MAP7D2: variants seen among roughly 807,000 people sequenced by gnomAD.
MAP7D2 encodes the protein MAP7 domain-containing protein 2.
In MAP7D2, 33 loss-of-function variants were observed where a neutral mutation model predicts 63.5. The ratio of observed to expected loss-of-function variants is 0.52; its 90% CI spans 0.39 to 0.70. The LOEUF is 0.70. MAP7D2 is among the 30% of genes least tolerant of loss of function. The probability of loss-of-function intolerance (pLI) is 0.00; values close to 1 mark genes in which losing one functional copy is unlikely to be tolerated. For synonymous variants in MAP7D2, 224 were observed against 223.7 expected (o/e 1.00, Z -0.01); for missense variants, 626 against 604.0 (o/e 1.04, Z -0.38).
chrX:20,033,996 G>C (rs1045602786), intron 8 of MAP7D2, among the ~76,000 whole-genome samples: 1 of 109,028 alleles, frequency 9.2e-6, no homozygotes, highest in African/African-American at 3.4e-5. Flanking sequence ...AGGCCAAGGC[G>C]GGTGGATCAC....
rs924048571 is a variant in MAP7D2 at position 20,031,453 on chromosome X, G to GA, written c.1008-5502dup. Reference sequence around the variant, plus strand: ...GACCCTGGGTTGGACCCTGGACCATGAAAAAAAAAATGATATAAAAAATCT... The same window carrying GA: ...GACCCTGGGTTGGACCCTGGACCATGAAAAAAAAAAATGATATAAAAAATCT... On this transcript the variant is annotated intron_variant, in intron 8 of 16. Transcript: ENST00000379643. 3.1e-4 allele frequency among the ~76,000 whole-genome samples: 33 copies of GA among 107,170 alleles called. No individual in the cohort carries two copies. The South Asian group carries it at 6.0e-3, about 19-fold the overall frequency. 93.1% of individuals were successfully genotyped at this position (107,170 alleles called of 115,157 possible). A position where few individuals can be genotyped will look rare whatever the true frequency, so the allele number is the denominator to read the frequency against.
chrX:20,076,105 C>T (rs2065635487), intron 1 of MAP7D2, among the ~76,000 whole-genome samples: 1 of 111,352 alleles, frequency 9.0e-6, no homozygotes. Flanking sequence ...GGGGTGGGGC[C>T]TGAGAATTTG....
chrX:20,109,649 C>T (rs2066681161), intron 1 of MAP7D2, among the ~76,000 whole-genome samples: 1 of 111,289 alleles, frequency 9.0e-6, no homozygotes, highest in South Asian at 3.8e-4. Context: ...TTTAATCTCT[C>T]ACCTCTCGCT....
intron 1 of MAP7D2, among the ~76,000 whole-genome samples, chrX:20,082,697 C>T (rs181799134): frequency 0.014 from 1,566 of 112,121 alleles, 8 homozygotes; most frequent in Middle Eastern, 0.018. Flanking sequence ...GGCGCGATCT[C>T]GGCTCACTGC....
At chrX:20,109,989 T>C (rs759744907) in intron 1 of MAP7D2, among the ~76,000 whole-genome samples, 17 of 108,628 alleles carry the variant, frequency 1.6e-4, no homozygotes, top group African/African-American at 5.4e-4. Flanking sequence ...TGAGCCGAGA[T>C]TGCACCACTG....
chrX:20,101,925 TTA>T (rs1267597516), intron 1 of MAP7D2, among the ~76,000 whole-genome samples: 1 of 112,681 alleles, frequency 8.9e-6, no homozygotes, highest in Non-Finnish European at 1.9e-5. Flanking sequence ...ACAGTAAATT[TTA>T]TGTTACATAT....
Position 20,050,854 on chromosome X carries a change from C to A in MAP7D2, c.688G>T (p.Val230Phe), listed in dbSNP as rs2064929717. 8.4e-7 allele frequency: 1 copy of A among 1,193,563 alleles called. No homozygotes were observed. The highest frequency in any genetic ancestry group is 1.7e-5 in the African/African-American group (1 of 57,553). Residue 230 changes from valine (V) to phenylalanine (F), a missense_variant, in exon 6 of 17, where the codon GTC becomes TTC. Coordinates refer to ENST00000379643, the MANE Select transcript of MAP7D2 (RefSeq NM_001168465.2). ...TCATTGGCCTGCCCAGAGAGCATGA[C>A]TGAAGCTCTGCTTCTGGCTAAAGAA... ...QSSLARSRAS[V>F]MLSGQANDSV... is the part of the protein sequence containing the mutation.
chrX:20,018,596 C>T (rs2073508133), intron 10 of MAP7D2, among the ~76,000 whole-genome samples: 1 of 109,138 alleles, frequency 9.2e-6, no homozygotes, highest in South Asian at 4.1e-4. Flanking sequence ...GCATGCGCCG[C>T]TATGCCCAGC....
chrX:20,031,693 G>T (rs776173397), intron 8 of MAP7D2, among the ~76,000 whole-genome samples: 7 of 111,112 alleles, frequency 6.3e-5, no homozygotes, highest in Non-Finnish European at 1.3e-4. Context: ...CTTGAACCTG[G>T]GAGGCGGAGG....
chrX:20,096,064 A>T (rs2075747287), intron 1 of MAP7D2, among the ~76,000 whole-genome samples: 1 of 96,053 alleles, frequency 1.0e-5, no homozygotes, highest in Non-Finnish European at 2.1e-5. Context: ...CCTGGGCAAC[A>T]GAGCAAGACT....
intron 1 of MAP7D2, among the ~76,000 whole-genome samples, chrX:20,081,822 G>C (rs772918324): frequency 9.0e-6 from 1 of 111,147 alleles, no homozygotes; most frequent in Admixed American, 9.6e-5. Flanking sequence ...TCAGCTTTTT[G>C]TATTTTTAGT....
rs747974862 is a variant in MAP7D2 at position 20,007,628 on chromosome X, C to T, written c.*797G>A. On this transcript the variant is annotated 3_prime_UTR_variant, in exon 17 of 17. Transcript: ENST00000379643. ...ACATTGAAAACCAACCACCTGCACG[C>T]GAGACATAGGATTCATTCAGCTGGA... 2.7e-5 allele frequency: 3 copies of T among 111,264 alleles called. No homozygotes were observed. The highest frequency in any genetic ancestry group is 3.8e-4 in the South Asian group (1 of 2,653). The allele number at this position is 111,264 out of a possible 1,213,427, so 9.2% of individuals were successfully genotyped here.
At chrX:20,047,665 A>G (rs1428428896) in intron 6 of MAP7D2, among the ~76,000 whole-genome samples, 1 of 107,625 alleles carries the variant, frequency 9.3e-6, no homozygotes, top group Non-Finnish European at 1.9e-5. Flanking sequence ...AAAAAAAAAA[A>G]ATTAGCTAAG....
At chrX:20,094,569 C>CAT (rs1491172079) in intron 1 of MAP7D2, among the ~76,000 whole-genome samples, 1 of 8,488 alleles carries the variant, frequency 1.2e-4, no homozygotes, top group Admixed American at 2.6e-3. Context: ...TATATATATA[C>CAT]ATATATATGT....
intron 12 of MAP7D2, among the ~76,000 whole-genome samples, chrX:20,014,169 A>T (rs2073301227): frequency 8.8e-6 from 1 of 113,077 alleles, no homozygotes. Context: ...GTCAAACAGA[A>T]TTAAAATAAC....
chrX:20,056,767 G>A lies in MAP7D2; in HGVS notation c.397C>T (p.Arg133Trp), dbSNP rs369026191. ...AGCTGCTGTGTGCGCTCCAGGGACC[G>A]GCGCATCATCGCCTCCAGCCGTTCC... ...EEERLEAMMR[R>W]SLERTQQLEL... Residue 133 changes from arginine to tryptophan, a missense_variant, in exon 4 of 17, where the codon CGG becomes TGG. By Grantham distance (101) the Arg-to-Trp change is moderately radical. Transcript: ENST00000379643. 23 of 1,209,368 alleles carry A rather than the reference G, an allele frequency of 1.9e-5. No individual in the cohort carries two copies. Among genetic ancestry groups the A allele is most frequent in the African/African-American group, 1.4e-4 (8 of 57,234 alleles).
At chrX:20,081,081 C>T (rs1199285705) in intron 1 of MAP7D2, among the ~76,000 whole-genome samples, 2 of 112,084 alleles carry the variant, frequency 1.8e-5, no homozygotes, top group African/African-American at 3.2e-5. Context: ...TGCTTAGAAG[C>T]TTGTTGCTTT....
chrX:20,059,613 A>AGGGT (rs2065148440), intron 3 of MAP7D2, among the ~76,000 whole-genome samples: 1 of 102,629 alleles, frequency 9.7e-6, no homozygotes, highest in Non-Finnish European at 2.0e-5. Context: ...GAAGGAAGGA[A>AGGGT]GGAAGGAAGG....
At position 20,043,728 on chromosome X, in the gene MAP7D2, A is replaced by G. The variant is rs566580526; in HGVS notation, c.879+636T>C. The stretch of plus-strand genomic sequence containing the variant: ...CAAGGTTTGAGGTGATTTGTTAAGT[A>G]GCAATCAATAACTAACAAAAGTAGT... On this transcript the variant is annotated intron_variant, in intron 7 of 16. Coordinates refer to ENST00000379643, the MANE Select transcript of MAP7D2 (RefSeq NM_001168465.2). 4.4e-5 allele frequency among the ~76,000 whole-genome samples: 5 copies of G among 112,740 alleles called. No individual in the cohort carries two copies. The East Asian group carries it at 1.1e-3, about 25-fold the overall frequency.
Sources: allele counts gnomAD v4.1 joint callset (sites outside exome capture counted in the v4.1 genomes callset), GRCh38; gene constraint gnomAD v4.1.1; transcripts MANE v1.5; gene names NCBI Gene and HGNC (gene_info 2026-07-23, HGNC 2026-07-21).